EFCAB6: variants seen among roughly 807,000 people sequenced by gnomAD.
EFCAB6 encodes the protein EF-hand calcium binding domain 6.
A neutral mutation model predicts 169.8 loss-of-function variants in EFCAB6; 156 were observed. The ratio of observed to expected loss-of-function variants is 0.92; its 90% CI spans 0.81 to 1.05. EFCAB6 has a LOEUF of 1.05. Ranked by LOEUF, EFCAB6 falls within the 50% of genes least tolerant of loss-of-function variation. The pLI, the probability that EFCAB6 is intolerant of heterozygous loss-of-function variation, is 0.00. For synonymous variants in EFCAB6, 698 were observed against 676.4 expected (o/e 1.03, Z -0.50); for missense variants, 1,800 against 1,829.1 (o/e 0.98, Z 0.29).
At chr22:43,612,324 G>GA (rs2053371970) in intron 21 of EFCAB6, among the ~76,000 whole-genome samples, 2 of 152,152 alleles carry the variant, frequency 1.3e-5, no homozygotes, top group Non-Finnish European at 1.5e-5. Context: ...AGATTTGACA[G>GA]CTTCTGCACA....
At chr22:43,672,852 G>T (rs978858808) in intron 13 of EFCAB6, among the ~76,000 whole-genome samples, 1 of 151,490 alleles carries the variant, frequency 6.6e-6, no homozygotes, top group South Asian at 2.1e-4. Flanking sequence ...TAACAAACCC[G>T]CATTTGTACC....
At chr22:43,562,284 A>C (rs1312957099) in intron 26 of EFCAB6, among the ~76,000 whole-genome samples, 1 of 152,202 alleles carries the variant, frequency 6.6e-6, no homozygotes, top group African/African-American at 2.4e-5. Context: ...TAATATTGGC[A>C]AAATACATGA....
chr22:43,634,117 C>A (rs932581053), intron 18 of EFCAB6, among the ~76,000 whole-genome samples: 1 of 152,078 alleles, frequency 6.6e-6, no homozygotes, highest in African/African-American at 2.4e-5. Context: ...AGCACTGGGA[C>A]GTGGGGCAAG....
At chr22:43,718,573 A>G (rs2059414591) in intron 8 of EFCAB6, among the ~76,000 whole-genome samples, 2 of 152,330 alleles carry the variant, frequency 1.3e-5, no homozygotes, top group South Asian at 4.1e-4. Flanking sequence ...ACCTGAGGTC[A>G]GGAGTTTGAG....
At chr22:43,549,684 C>T (rs1381133160) in intron 27 of EFCAB6, among the ~76,000 whole-genome samples, 1 of 152,122 alleles carries the variant, frequency 6.6e-6, no homozygotes, top group African/African-American at 2.4e-5. Flanking sequence ...ATGCCATCTC[C>T]AAAGCTAGTG....
At chr22:43,578,825 CGCAGGCATCATTCCGTACAT>C (rs2050452617) in intron 25 of EFCAB6, among the ~76,000 whole-genome samples, 2 of 82,254 alleles carry the variant, frequency 2.4e-5, no homozygotes, top group East Asian at 2.5e-4. Context: ...ATTCCCTACA[CGCAGGCATCATTCCGTACAT>C]GCAGGCATCA....
At chr22:43,784,626 T>C (rs1265566578) in intron 2 of EFCAB6, among the ~76,000 whole-genome samples, 3 of 73,600 alleles carry the variant, frequency 4.1e-5, no homozygotes, top group Admixed American at 1.3e-4. Context: ...TATATACACA[T>C]ATATATGTAT....
Position 43,668,901 on chromosome 22 carries a change from A to T in EFCAB6, c.1785T>A (p.Asp595Glu). Residue 595 changes from aspartate to glutamate, a missense_variant, in exon 16 of 32, where the codon GAT becomes GAA. Asp to Glu is a conservative substitution (Grantham distance 45). Coordinates refer to ENST00000262726, the MANE Select transcript of EFCAB6 (RefSeq NM_022785.4). ...CAGAAAGATCTGGCTGCTGCTGTTC[A>T]TCTTTTTGTAAATGTTCACTTAACA... is the stretch of plus-strand genomic sequence containing the variant. ...DQLLSEHLQK[D>E]EQQQPDLSER... The T allele has an allele frequency of 1.2e-6, 2 of 1,607,672 alleles. No homozygotes were observed. Among genetic ancestry groups the T allele is most frequent in the Middle Eastern group, 1.7e-4 (1 of 6,060 alleles).
At chr22:43,660,631 T>C (rs2056957483) in intron 17 of EFCAB6, among the ~76,000 whole-genome samples, 1 of 152,036 alleles carries the variant, frequency 6.6e-6, no homozygotes, top group African/African-American at 2.4e-5. Flanking sequence ...TCCTGGTCAA[T>C]AAAATGTGAG....
At chr22:43,713,717 A>C (rs2059237575) in intron 9 of EFCAB6, among the ~76,000 whole-genome samples, 1 of 152,242 alleles carries the variant, frequency 6.6e-6, no homozygotes, top group South Asian at 2.1e-4. Context: ...GGCATAAAAC[A>C]GGAAGCAATC....
rs567461228 is a variant in EFCAB6 at position 43,757,008 on chromosome 22, C to T, written c.441-1176G>A. Among the ~76,000 whole-genome samples, 26 of 152,252 alleles carry T rather than the reference C, an allele frequency of 1.7e-4. No homozygotes were observed. The South Asian group carries it at 5.4e-3, about 32-fold the overall frequency. On this transcript the variant is annotated intron_variant, in intron 5 of 31. Transcript: ENST00000262726. ...TGTTCAGATGGAGGCAGATGCCAGG[C>T]TCGTGAGTCTGTGGGCCATGATAAG...
At chr22:43,784,507 ATATATGTG>A (rs1569487051) in intron 2 of EFCAB6, among the ~76,000 whole-genome samples, 1 of 109,920 alleles carries the variant, frequency 9.1e-6, no homozygotes, top group East Asian at 2.9e-4. Context: ...AAAAAAATAT[ATATATGTG>A]TGTGTGTGTG....
chr22:43,610,960 G>C (rs976129035), intron 21 of EFCAB6, among the ~76,000 whole-genome samples: 40 of 152,168 alleles, frequency 2.6e-4, no homozygotes, highest in Non-Finnish European at 2.9e-5. Flanking sequence ...TGAATACAGA[G>C]AATCACAATT....
At chr22:43,751,192 C>T (rs933846529) in intron 6 of EFCAB6, among the ~76,000 whole-genome samples, 3 of 152,186 alleles carry the variant, frequency 2.0e-5, no homozygotes, top group African/African-American at 7.2e-5. Context: ...CAGTGAAGAA[C>T]GTATTTTTTT....
chr22:43,753,619 A>G (rs2060849861), intron 6 of EFCAB6, among the ~76,000 whole-genome samples: 1 of 152,226 alleles, frequency 6.6e-6, no homozygotes, highest in African/African-American at 2.4e-5. Context: ...GGATAAGAGC[A>G]TGAACATGAG....
intron 8 of EFCAB6, among the ~76,000 whole-genome samples, chr22:43,726,989 C>A (rs2059760084): frequency 6.6e-6 from 1 of 152,070 alleles, no homozygotes; most frequent in African/African-American, 2.4e-5. Flanking sequence ...ACAGAAAAAA[C>A]CTCAGGAAAC....
intron 28 of EFCAB6, among the ~76,000 whole-genome samples, chr22:43,538,523 G>T (rs755683166): frequency 6.6e-6 from 1 of 152,076 alleles, no homozygotes; most frequent in African/African-American, 2.4e-5. Flanking sequence ...CAAGTAGCTG[G>T]GACTACAGGC....
rs80130109 is a variant in EFCAB6 at position 43,800,974 on chromosome 22, G to C, written c.-8+8021C>G. On this transcript the variant is annotated intron_variant, in intron 2 of 31. Transcript: ENST00000262726. ...GACTTGAGAAAGATATAAATATCCA[G>C]GTACACAAAGGTCAGAGAACAAACA... 1.6e-3 allele frequency among the ~76,000 whole-genome samples: 248 copies of C among 152,092 alleles called. 1 individual carries two copies. Among genetic ancestry groups the C allele is most frequent in the African/African-American group, 5.4e-3 (225 of 41,492 alleles).
intron 17 of EFCAB6, among the ~76,000 whole-genome samples, chr22:43,662,618 G>A (rs1372206825): frequency 6.6e-6 from 1 of 151,956 alleles, no homozygotes; most frequent in African/African-American, 2.4e-5. Flanking sequence ...GGGAAGAGGA[G>A]GGCAAGAACA....
Sources: allele counts gnomAD v4.1 joint callset (sites outside exome capture counted in the v4.1 genomes callset), GRCh38; gene constraint gnomAD v4.1.1; transcripts MANE v1.5; gene names NCBI Gene and HGNC (gene_info 2026-07-23, HGNC 2026-07-21).